Variants in TM7SF3 observed in about 807,000 individuals in gnomAD.
TM7SF3 encodes the protein seven span transmembrane protein.
A neutral mutation model predicts 65.5 loss-of-function variants in TM7SF3; 60 were observed. The ratio of observed to expected loss-of-function variants is 0.92; its 90% CI spans 0.74 to 1.14. The LOEUF is 1.14. TM7SF3 is among the 50% of genes most tolerant of loss of function. TM7SF3 has a pLI of 0.00. For missense variants in TM7SF3, 623 were observed against 684.8 expected, an observed-to-expected ratio of 0.91 and a Z score of 1.01; for synonymous variants, 264 against 259.6, an observed-to-expected ratio of 1.02 and a Z score of -0.16.
intron 5 of TM7SF3, among the ~76,000 whole-genome samples, chr12:26,992,816 A>G (rs1352535433): frequency 6.6e-6 from 1 of 152,054 alleles, no homozygotes; most frequent in Non-Finnish European, 1.5e-5. Flanking sequence ...CTGTATAAGA[A>G]TATTCTCCTA....
At position 26,996,866 on chromosome 12, in the gene TM7SF3, G is replaced by T; in HGVS notation, c.398-4C>A. ...TTACAGCCTCCAGGGACAGGATCTGGATAAGAAATAGGGAAGTTACTAAAC... is the reference window on the plus strand; with the variant it reads ...TTACAGCCTCCAGGGACAGGATCTGTATAAGAAATAGGGAAGTTACTAAAC... On this transcript the variant is annotated splice_polypyrimidine_tract_variant and splice_region_variant and intron_variant, in intron 3 of 11. Transcript: ENST00000343028. 1 of 1,603,532 alleles carries T rather than the reference G, an allele frequency of 6.2e-7. No individual in the cohort carries two copies. Among genetic ancestry groups the T allele is most frequent in the Non-Finnish European group, 8.5e-7 (1 of 1,176,808 alleles).
At chr12:26,993,415 T>C (rs1159841294) in intron 5 of TM7SF3, among the ~76,000 whole-genome samples, 2 of 152,240 alleles carry the variant, frequency 1.3e-5, no homozygotes, top group African/African-American at 4.8e-5. Context: ...CCATATTTCC[T>C]GTAAATAGGG....
rs1389672495 is a variant in TM7SF3 at position 26,995,299 on chromosome 12, T to C, written c.628A>G (p.Met210Val). Residue 210 changes from methionine to valine, a missense_variant, in exon 5 of 12, where the codon ATG becomes GTG. Physicochemically the swap from Met to Val is conservative, Grantham distance 21 (BLOSUM62 1). Coordinates refer to ENST00000343028, the MANE Select transcript of TM7SF3 (RefSeq NM_016551.3). ...ATCCTCTGCAGATGCTTCAGCAACA[T>C]CTCCTCAGTGAGGTCATTCTCAGGC... ...FLPENDLTEE[M>V]LLKHLQRMVS... 6.2e-7 allele frequency: 1 copy of C among 1,614,138 alleles called. No homozygotes were observed. The highest frequency in any genetic ancestry group is 2.2e-5 in the East Asian group (1 of 44,888).
chr12:26,993,828 A>G (rs762341461), intron 5 of TM7SF3, among the ~76,000 whole-genome samples: 1 of 152,246 alleles, frequency 6.6e-6, no homozygotes, highest in Non-Finnish European at 1.5e-5. Context: ...CTCCTTTAAA[A>G]AGGCAAGCTA....
At chr12:27,003,100 T>C (rs897155965) in intron 2 of TM7SF3, 136 bp downstream of exon 2, 21 of 669,196 alleles carry the variant, frequency 3.1e-5, no homozygotes, top group Admixed American at 9.6e-5. Flanking sequence ...AAACATCCTA[T>C]CTTGATTTTT....
At position 26,979,589 on chromosome 12, in the gene TM7SF3, A is replaced by T; in HGVS notation, c.1189+195T>A. 5.0e-6 allele frequency: 3 copies of T among 600,470 alleles called. No individual in the cohort carries two copies. In the South Asian group the frequency reaches 6.3e-5, roughly 13 times the overall value. 37.2% of individuals were successfully genotyped at this position (600,470 alleles called of 1,614,324 possible). On this transcript the variant is annotated intron_variant, in intron 9 of 11. Transcript: ENST00000343028. Reference sequence around the variant, plus strand: ...TACCTCTAAAGACATTCTATATTTCATCTACTGTGCCTTTGAGGAAGGAGG... The same window carrying T: ...TACCTCTAAAGACATTCTATATTTCTTCTACTGTGCCTTTGAGGAAGGAGG...
chr12:26,980,692 G>A, intron 7 of TM7SF3, 46 bp from the exon 8 acceptor site: 1 of 1,026,848 alleles, frequency 9.7e-7, no homozygotes. Context: ...AACAACAAAA[G>A]CTATGGTTAA....
Position 26,971,988 on chromosome 12 carries a change from A to G in TM7SF3, c.*1977T>C, listed in dbSNP as rs1939380523. The G allele has an allele frequency of 6.6e-6, 1 of 152,242 alleles. No individual in the cohort carries two copies. Among genetic ancestry groups the G allele is most frequent in the African/African-American group, 2.4e-5 (1 of 41,466 alleles). 9.4% of individuals were successfully genotyped at this position (152,242 alleles called of 1,614,324 possible). ...ACTTCAAAAATCTATTGTACTTTGA[A>G]AAAACTTTAAAAAGCAGCATCATTT... On this transcript the variant is annotated 3_prime_UTR_variant, in exon 12 of 12. Coordinates refer to ENST00000343028, the MANE Select transcript of TM7SF3 (RefSeq NM_016551.3).
At chr12:26,979,097 T>A (rs1939695853) in intron 9 of TM7SF3, 1 of 152,278 alleles carries the variant, frequency 6.6e-6, no homozygotes, top group African/African-American at 2.4e-5. Context: ...GACAGCCTCA[T>A]GAAATGGCTA....
chr12:27,014,294 G>C lies in TM7SF3; in HGVS notation c.-126C>G. The C allele has an allele frequency of 1.3e-6, 1 of 761,532 alleles. No individual in the cohort carries two copies. 47.2% of individuals were successfully genotyped at this position (761,532 alleles called of 1,614,324 possible). On this transcript the variant is annotated 5_prime_UTR_variant, in exon 1 of 12. Coordinates refer to ENST00000343028, the MANE Select transcript of TM7SF3 (RefSeq NM_016551.3). ...CATCGGGCGCCATCGCCCGCCAGGT[G>C]CAGACGCTTCGCACCTGCCAGCTCC...
chr12:27,014,194 C>T lies in TM7SF3; in HGVS notation c.-26G>A, dbSNP rs1223688197. ...TGCTGCCTGGGCCGGGCTGGGCCCA[C>T]GCCAGGGCTGGGGAGAGGTGCGGGC... On this transcript the variant is annotated 5_prime_UTR_variant, in exon 1 of 12. The change creates a new upstream start codon in the 5' untranslated region. Coordinates refer to ENST00000343028, the MANE Select transcript of TM7SF3 (RefSeq NM_016551.3). The T allele has an allele frequency of 1.3e-6, 2 of 1,550,272 alleles. No individual in the cohort carries two copies. The highest frequency in any genetic ancestry group is 2.4e-5 in the East Asian group (1 of 41,110).
intron 2 of TM7SF3, among the ~76,000 whole-genome samples, chr12:27,000,590 G>T (rs139760253): frequency 1.8e-4 from 27 of 152,166 alleles, no homozygotes; most frequent in African/African-American, 5.5e-4. Context: ...CTCCCAAGTA[G>T]CTGGGACTAC....
intron 1 of TM7SF3, chr12:27,012,571 ATGATC>A (rs1325046739): frequency 4.4e-6 from 2 of 455,332 alleles, no homozygotes. Flanking sequence ...AAAGCACATG[ATGATC>A]TGCCTGGCAC....
At chr12:26,977,277 G>A (rs1302994277) in intron 9 of TM7SF3, among the ~76,000 whole-genome samples, 1 of 152,126 alleles carries the variant, frequency 6.6e-6, no homozygotes, top group Non-Finnish European at 1.5e-5. Context: ...ATACATATGT[G>A]GCTTTCTTGT....
intron 1 of TM7SF3, among the ~76,000 whole-genome samples, chr12:27,007,247 A>G (rs1041628143): frequency 1.3e-5 from 2 of 152,196 alleles, no homozygotes; most frequent in African/African-American, 4.8e-5. Flanking sequence ...ATGATGCCTC[A>G]TCATCTTCCT....
intron 5 of TM7SF3, among the ~76,000 whole-genome samples, chr12:26,991,560 T>C (rs551116829): frequency 1.3e-5 from 2 of 152,276 alleles, no homozygotes; most frequent in Non-Finnish European, 2.9e-5. Flanking sequence ...AAATAAATAT[T>C]AGGGTTTTAG....
In TM7SF3 at chr12:27,014,101, T is replaced by G. The variant is rs1189358746; in HGVS notation, c.68A>C (p.Glu23Ala). ...ACCCTCGCTGGAATTCCCGAAGACC[T>G]CGGCTGCACCAGCCACCCGGTGTTC... is the stretch of plus-strand genomic sequence containing the variant. ...ASEHRVAGAA[E>A]VFGNSSEGLI... is the part of the protein sequence containing the mutation. The change falls in exon 1 of 12, where the codon GAG (glutamate) becomes GCG (alanine). Residue 23 changes from glutamate to alanine, a missense_variant. Coordinates refer to ENST00000343028, the MANE Select transcript of TM7SF3 (RefSeq NM_016551.3). 1 of 1,572,224 alleles carries G rather than the reference T, an allele frequency of 6.4e-7. No individual in the cohort carries two copies.
chr12:26,973,933 A>G lies in TM7SF3; in HGVS notation c.*32T>C, dbSNP rs201009105. The G allele has an allele frequency of 6.2e-7, 1 of 1,606,452 alleles. No homozygotes were observed. The highest frequency in any genetic ancestry group is 1.3e-5 in the African/African-American group (1 of 74,684). On this transcript the variant is annotated 3_prime_UTR_variant, in exon 12 of 12. Coordinates refer to ENST00000343028, the MANE Select transcript of TM7SF3 (RefSeq NM_016551.3). The stretch of plus-strand genomic sequence containing the variant: ...GAACCACTCCAGGCATGAACTCCAA[A>G]GCTGAGGCACACTGACCAAGCCCCT...
chr12:26,983,116 C>T (rs1267103356), intron 6 of TM7SF3, among the ~76,000 whole-genome samples: 2 of 151,972 alleles, frequency 1.3e-5, no homozygotes, highest in African/African-American at 4.8e-5. Context: ...GTATGGAACA[C>T]TTCCTATGAC....
Sources: gnomAD v4.1 joint callset for allele counts (sites outside exome capture counted in the v4.1 genomes callset) on GRCh38, gnomAD v4.1.1 for gene constraint, MANE v1.5 for transcripts, NCBI Gene and HGNC (gene_info 2026-07-23, HGNC 2026-07-21) for gene names.